Variants in KDM3A observed in about 807,000 individuals in gnomAD.
KDM3A encodes lysine-specific demethylase 3A.
Under a neutral mutation model 158.0 loss-of-function variants are expected in KDM3A, and 60 were observed. The ratio of observed to expected loss-of-function variants is 0.38; its 90% CI spans 0.31 to 0.47. KDM3A has a LOEUF of 0.47. KDM3A is among the 20% of genes least tolerant of loss of function. KDM3A has a pLI of 0.99. For missense variants in KDM3A, 1,319 were observed against 1,574.3 expected (o/e 0.84, Z 2.74); for synonymous variants, 608 against 549.3 (o/e 1.11, Z -1.49).
chr2:86,463,770 C>A (rs1348037616), intron 8 of KDM3A, among the ~76,000 whole-genome samples: 1 of 152,164 alleles, frequency 6.6e-6, no homozygotes, highest in African/African-American at 2.4e-5. Context: ...AAGTAATTGC[C>A]ACCTGACTGT....
Position 86,461,814 on chromosome 2 carries a change from G to C in KDM3A, c.844-2239G>C, listed in dbSNP as rs114084366. On this transcript the variant is annotated intron_variant, in intron 8 of 25. Coordinates refer to ENST00000312912, the MANE Select transcript of KDM3A (RefSeq NM_018433.6). ...AGAGATAACAAGTACAAAGGCCCAG[G>C]CAAGAAAGGGCTTAGAACACTAGGA... is the stretch of plus-strand genomic sequence containing the variant. 9.8e-3 allele frequency among the ~76,000 whole-genome samples: 1,491 copies of C among 152,224 alleles called. 11 individuals carry two copies. The highest frequency in any genetic ancestry group is 0.034 in the Middle Eastern group (10 of 294).
Position 86,466,444 on chromosome 2 carries a change from A to AC in KDM3A, c.1082dup (p.Asp362ArgfsTer24). ...CAAAGTCTGAAGCTCTGAGAACAAA[A>AC]CCAGATGTCTGCAAAGCAGGGTTGC... On this transcript the variant is annotated frameshift_variant, in exon 10 of 26. Coordinates refer to ENST00000312912, the MANE Select transcript of KDM3A (RefSeq NM_018433.6). LOFTEE classifies it high-confidence loss of function. The AC allele has an allele frequency of 6.2e-7, 1 of 1,613,854 alleles. No individual in the cohort carries two copies. The highest frequency in any genetic ancestry group is 8.5e-7 in the Non-Finnish European group (1 of 1,179,806).
intron 7 of KDM3A, 25 bp downstream of exon 7, chr2:86,456,902 C>A (rs1321769838): frequency 1.9e-6 from 3 of 1,580,620 alleles, no homozygotes; most frequent in Non-Finnish European, 1.7e-6. Context: ...TAAAATCTTT[C>A]TTCTCCTTCC....
chr2:86,464,308 G>A, intron 9 of KDM3A, 92 bp downstream of exon 9: 1 of 978,372 alleles, frequency 1.0e-6, no homozygotes, highest in African/African-American at 1.7e-5. Flanking sequence ...TGTCCAGGGA[G>A]GTTTTTCGTT....
chr2:86,472,227 G>GT lies in KDM3A; in HGVS notation c.1724+1826dup, dbSNP rs906675339. On this transcript the variant is annotated intron_variant, in intron 11 of 25. Coordinates refer to ENST00000312912, the MANE Select transcript of KDM3A (RefSeq NM_018433.6). ...AAGTCATTGACTTTATGACTTAGCT[G>GT]TTTTTTTCATTTTTGACTTCTTTAA... Among the ~76,000 whole-genome samples, 15 of 150,992 alleles carry GT rather than the reference G, an allele frequency of 9.9e-5. No homozygotes were observed. The South Asian group carries it at 1.0e-3, about 11-fold the overall frequency.
chr2:86,445,026 A>C (rs1415094452), intron 2 of KDM3A, among the ~76,000 whole-genome samples: 1 of 152,252 alleles, frequency 6.6e-6, no homozygotes, highest in Non-Finnish European at 1.5e-5. Context: ...CAAATATCCT[A>C]GATGGTAAAC....
rs747073445 is a variant in KDM3A at position 86,489,867 on chromosome 2, T to C, written c.3573+208T>C. Reference sequence around the variant, plus strand: ...TTACACTTCTAAAAAAAGCAGGCCTTGTCTTTTATGTCTGTGTTTTGTGTT... The same window carrying C: ...TTACACTTCTAAAAAAAGCAGGCCTCGTCTTTTATGTCTGTGTTTTGTGTT... On this transcript the variant is annotated intron_variant, in intron 23 of 25. Coordinates refer to ENST00000312912, the MANE Select transcript of KDM3A (RefSeq NM_018433.6). 1.1e-5 allele frequency: 5 copies of C among 451,502 alleles called. 1 individual carries two copies. Among genetic ancestry groups the C allele is most frequent in the African/African-American group, 4.0e-5 (2 of 49,940 alleles). The allele number at this position is 451,502 out of a possible 1,614,324, so 28.0% of individuals were successfully genotyped here.
chr2:86,476,149 G>A (rs1249381758), intron 12 of KDM3A, among the ~76,000 whole-genome samples: 6 of 152,092 alleles, frequency 3.9e-5, no homozygotes, highest in African/African-American at 1.2e-4. Flanking sequence ...GAGATACAAA[G>A]TTTCTTTATT....
chr2:86,477,841 C>T lies in KDM3A; in HGVS notation c.1940-36C>T. 5 of 1,553,666 alleles carry T rather than the reference C, an allele frequency of 3.2e-6. No homozygotes were observed. The South Asian group carries it at 6.1e-5, about 19-fold the overall frequency. Reference sequence around the variant, plus strand: ...TCGTTTTTGGTTTCAGAAGCCCTCTCCTTCCAAAGACTAAGTGATTTACTG... The same window carrying T: ...TCGTTTTTGGTTTCAGAAGCCCTCTTCTTCCAAAGACTAAGTGATTTACTG... On this transcript the variant is annotated intron_variant, in intron 12 of 25. Transcript: ENST00000312912.
chr2:86,492,167 C>A lies in KDM3A; in HGVS notation c.*48C>A, dbSNP rs766296974. The A allele has an allele frequency of 1.7e-5, 24 of 1,373,580 alleles. No homozygotes were observed. The highest frequency in any genetic ancestry group is 2.5e-5 in the Non-Finnish European group (24 of 965,230). 85.1% of individuals were successfully genotyped at this position (1,373,580 alleles called of 1,614,324 possible). A position where few individuals can be genotyped will look rare whatever the true frequency, so the allele number is the denominator to read the frequency against. ...ATTACAGGCAGCTGTTCAAACTCTTCAGGCAGGATTCCTGTGGACTTTGAG... is the reference window on the plus strand; with the variant it reads ...ATTACAGGCAGCTGTTCAAACTCTTAAGGCAGGATTCCTGTGGACTTTGAG... On this transcript the variant is annotated 3_prime_UTR_variant, in exon 26 of 26. Transcript: ENST00000312912.
chr2:86,446,076 T>G (rs1475752010), intron 2 of KDM3A, among the ~76,000 whole-genome samples: 1 of 152,218 alleles, frequency 6.6e-6, no homozygotes, highest in Non-Finnish European at 1.5e-5. Context: ...TGATATTAGT[T>G]TATTAGATAC....
At position 86,457,031 on chromosome 2, in the gene KDM3A, A is replaced by T; in HGVS notation, c.803A>T (p.Asn268Ile). 1.9e-6 allele frequency: 3 copies of T among 1,598,482 alleles called. No homozygotes were observed. The South Asian group carries it at 3.4e-5, about 18-fold the overall frequency. ...GAVKRKSSEN[N>I]GTLVSKQAKS... ...GTAAAACGCAAGTCTTCTGAGAATA[A>T]TGGAACCCTGGTTTCCAAACAAGCA... Residue 268 changes from asparagine to isoleucine, a missense_variant, in exon 8 of 26, where the codon AAT (asparagine) becomes ATT (isoleucine). By Grantham distance (149) the Asn-to-Ile change is moderately radical (BLOSUM62 -3). Transcript: ENST00000312912.
At chr2:86,478,582 G>A (rs749161787) in intron 14 of KDM3A, 26 bp from the exon 15 acceptor site, 1 of 1,612,372 alleles carries the variant, frequency 6.2e-7, no homozygotes, top group Non-Finnish European at 8.5e-7. Flanking sequence ...TCCTTGTTCA[G>A]ATGTTTGCCT....
At chr2:86,465,256 TAATC>T (rs1673085155) in intron 9 of KDM3A, among the ~76,000 whole-genome samples, 2 of 152,210 alleles carry the variant, frequency 1.3e-5, no homozygotes, top group African/African-American at 2.4e-5. Flanking sequence ...AATAACCAAG[TAATC>T]AATCAGCTAT....
At position 86,482,583 on chromosome 2, in the gene KDM3A, G is replaced by C. The variant is rs775567452; in HGVS notation, c.2811G>C (p.Leu937=). 2 of 1,614,068 alleles carry C rather than the reference G, an allele frequency of 1.2e-6. No homozygotes were observed. The highest frequency in any genetic ancestry group is 2.2e-5 in the South Asian group (2 of 91,082). The change falls in exon 18 of 26, where the codon CTG becomes CTC. Residue 937 remains leucine, a synonymous_variant. Coordinates refer to ENST00000312912, the MANE Select transcript of KDM3A (RefSeq NM_018433.6). ...PQGLTIKPSI[L]GFDTPHYWLC... is the part of the protein sequence containing the mutation. The stretch of plus-strand genomic sequence containing the variant: ...GACTAACCATCAAGCCCAGCATTCT[G>C]GGCTTTGACACTCCTCACTATTGGC...
At chr2:86,464,315 C>CAAAA (rs1673046267) in intron 9 of KDM3A, 99 bp downstream of exon 9, 1 of 860,424 alleles carries the variant, frequency 1.2e-6, no homozygotes, top group Non-Finnish European at 1.7e-6. Flanking sequence ...GGAGGTTTTT[C>CAAAA]GTTAGAGTTT....
Position 86,455,130 on chromosome 2 carries a change from A to G in KDM3A, c.499A>G (p.Ser167Gly). ...RLSLTDNQIV[S>G]KEFQALIVKH... ...TTCTCTTACGGATAATCAGATTGTCAGTAAAGAATTTCAAGCTTTGATTGT... is the reference window on the plus strand; with the variant it reads ...TTCTCTTACGGATAATCAGATTGTCGGTAAAGAATTTCAAGCTTTGATTGT... Residue 167 changes from serine to glycine, a missense_variant, in exon 5 of 26, where the codon AGT (serine) becomes GGT (glycine). Coordinates refer to ENST00000312912, the MANE Select transcript of KDM3A (RefSeq NM_018433.6). 6.2e-7 allele frequency: 1 copy of G among 1,605,414 alleles called. No homozygotes were observed. Among genetic ancestry groups the G allele is most frequent in the African/African-American group, 1.3e-5 (1 of 74,324 alleles).
intron 2 of KDM3A, among the ~76,000 whole-genome samples, chr2:86,447,550 T>G (rs1683008118): frequency 6.6e-6 from 1 of 152,208 alleles, no homozygotes; most frequent in East Asian, 1.9e-4. Context: ...TTGATAAGAT[T>G]TGAATTAACC....
chr2:86,437,337 T>C (rs1236089876), upstream of KDM3A, among the ~76,000 whole-genome samples: 1 of 152,104 alleles, frequency 6.6e-6, no homozygotes, highest in African/African-American at 2.4e-5. Context: ...CGATGAGGTC[T>C]CACCATGTTG....
Sources: gnomAD v4.1 joint callset for allele counts (sites outside exome capture counted in the v4.1 genomes callset) on GRCh38, gnomAD v4.1.1 for gene constraint, MANE v1.5 for transcripts, NCBI Gene and HGNC (gene_info 2026-07-23, HGNC 2026-07-21) for gene names.